The following NTN1 variants were observed in gnomAD, a reference collection of about 807,000 sequenced individuals.
NTN1 encodes the protein netrin 1, also known as netrin-1.
NTN1 carries 11 observed loss-of-function variants against 54.2 expected under a neutral mutation model. The observed-to-expected ratio is 0.20, with a 90% CI of 0.13 to 0.34. The LOEUF (loss-of-function observed/expected upper bound fraction) is 0.34. Ranked by LOEUF, NTN1 falls within the 10% of genes least tolerant of loss-of-function variation. NTN1 has a pLI of 1.00. For synonymous variants in NTN1, 371 were observed against 382.0 expected (o/e 0.97, Z 0.33); for missense variants, 740 against 893.1 (o/e 0.83, Z 2.18).
chr17:9,151,740 G>A (rs2092328151), intron 2 of NTN1, among the ~76,000 whole-genome samples: 3 of 152,226 alleles, frequency 2.0e-5, no homozygotes, highest in Admixed American at 6.5e-5. Flanking sequence ...GAGGGTCCCT[G>A]TGGAGAGGTG....
At chr17:9,043,004 A>G (rs1170707099) in intron 2 of NTN1, among the ~76,000 whole-genome samples, 1 of 152,186 alleles carries the variant, frequency 6.6e-6, no homozygotes, top group African/African-American at 2.4e-5. Flanking sequence ...TTATTTGACA[A>G]CCATTTCAAT....
At chr17:9,205,955 A>T (rs1243651941) in intron 5 of NTN1, among the ~76,000 whole-genome samples, 1 of 152,162 alleles carries the variant, frequency 6.6e-6, no homozygotes, top group Non-Finnish European at 1.5e-5. Flanking sequence ...ACTCATCACC[A>T]TTCCGGTTGC....
intron 2 of NTN1, among the ~76,000 whole-genome samples, chr17:9,069,223 C>T (rs373802490): frequency 6.7e-6 from 1 of 148,816 alleles, no homozygotes; most frequent in South Asian, 2.2e-4. Flanking sequence ...TTTTAGACAC[C>T]GAGATCTCAC....
chr17:9,223,556 CAA>C (rs369166076), intron 6 of NTN1, among the ~76,000 whole-genome samples: 1 of 149,116 alleles, frequency 6.7e-6, no homozygotes, highest in African/African-American at 2.5e-5. Flanking sequence ...GACTCTGTCT[CAA>C]AAAAAAGAAA....
At chr17:9,232,562 C>T (rs1196681059) in intron 6 of NTN1, among the ~76,000 whole-genome samples, 1 of 152,148 alleles carries the variant, frequency 6.6e-6, no homozygotes, top group African/African-American at 2.4e-5. Context: ...CTTCAGCCAG[C>T]TCTACGTTGG....
intron 2 of NTN1, among the ~76,000 whole-genome samples, chr17:9,137,652 A>G (rs1477807630): frequency 3.9e-5 from 6 of 151,952 alleles, no homozygotes; most frequent in Admixed American, 3.9e-4. Context: ...AAATTAGCTG[A>G]GTGTGATGGC....
chr17:9,044,396 G>A lies in NTN1; in HGVS notation c.1018+21005G>A, dbSNP rs148081666. Among the ~76,000 whole-genome samples the A allele has an allele frequency of 3.8e-3, 574 of 151,854 alleles. 3 individuals carry two copies. Among genetic ancestry groups the A allele is most frequent in the African/African-American group, 0.011 (464 of 41,410 alleles). On this transcript the variant is annotated intron_variant, in intron 2 of 6. Transcript: ENST00000173229. The stretch of plus-strand genomic sequence containing the variant: ...ACTACAGGTGTGTGCCACCATGCCT[G>A]GCTAGTTTTTGTATTTTTAGTAGAG...
intron 2 of NTN1, among the ~76,000 whole-genome samples, chr17:9,069,012 T>C (rs1038888615): frequency 5.3e-5 from 8 of 152,124 alleles, no homozygotes; most frequent in African/African-American, 1.9e-4. Context: ...CACCCCTCCA[T>C]GAGTACAGGA....
At chr17:9,074,639 T>C (rs1466742176) in intron 2 of NTN1, among the ~76,000 whole-genome samples, 1 of 152,210 alleles carries the variant, frequency 6.6e-6, no homozygotes, top group African/African-American at 2.4e-5. Flanking sequence ...TCCACTGGCC[T>C]GGAGGGCCCT....
intron 2 of NTN1, among the ~76,000 whole-genome samples, chr17:9,046,843 G>A (rs1232907705): frequency 1.3e-5 from 2 of 152,088 alleles, no homozygotes; most frequent in African/African-American, 2.4e-5. Context: ...CCTCTGAAAT[G>A]AGTTGTGATA....
intron 2 of NTN1, among the ~76,000 whole-genome samples, chr17:9,097,924 A>C (rs9913564): frequency 0.72 from 109,275 of 151,688 alleles, 39,849 homozygotes; most frequent in East Asian, 0.96. Flanking sequence ...TTCTCCTTTG[A>C]GAATTTTCTG....
chr17:9,206,045 A>T (rs1904960665), intron 5 of NTN1, among the ~76,000 whole-genome samples: 1 of 152,102 alleles, frequency 6.6e-6, no homozygotes, highest in Admixed American at 6.5e-5. Context: ...GAACAGGGTG[A>T]CCCCTAGGTC....
chr17:9,201,501 C>T (rs1904784273), intron 5 of NTN1, among the ~76,000 whole-genome samples: 2 of 152,218 alleles, frequency 1.3e-5, no homozygotes, highest in African/African-American at 4.8e-5. Context: ...CAAGGGGACT[C>T]AGGCGACTGT....
chr17:9,047,162 G>A (rs776194087), intron 2 of NTN1, among the ~76,000 whole-genome samples: 5 of 152,182 alleles, frequency 3.3e-5, no homozygotes, highest in Non-Finnish European at 5.9e-5. Context: ...GCTGTTGATG[G>A]CTACTGACTA....
At chr17:9,168,261 G>A (rs753785066) in intron 3 of NTN1, among the ~76,000 whole-genome samples, 1 of 152,190 alleles carries the variant, frequency 6.6e-6, no homozygotes. Context: ...GGCCGGGCAC[G>A]GTGGCTCATG....
At chr17:9,114,255 T>G (rs1414398623) in intron 2 of NTN1, among the ~76,000 whole-genome samples, 2 of 147,312 alleles carry the variant, frequency 1.4e-5, no homozygotes, top group East Asian at 2.0e-4. Context: ...AAAGGAAGAT[T>G]CAAGTGTAAG....
At chr17:9,079,515 AC>A (rs2092063192) in intron 2 of NTN1, among the ~76,000 whole-genome samples, 1 of 151,926 alleles carries the variant, frequency 6.6e-6, no homozygotes, top group Non-Finnish European at 1.5e-5. Flanking sequence ...GCTGGTCCCC[AC>A]CCCTGAGGAA....
rs555249626 is a variant in NTN1 at position 9,111,998 on chromosome 17, C to T, written c.1019-50815C>T. Among the ~76,000 whole-genome samples the T allele has an allele frequency of 6.6e-5, 10 of 152,320 alleles. No homozygotes were observed. The East Asian group carries it at 1.5e-3, about 23-fold the overall frequency. ...TATTGAACTAAAATTCAGTGGTCAA[C>T]GGCCATTGTGGATTTTCACATTTTT... On this transcript the variant is annotated intron_variant, in intron 2 of 6. Transcript: ENST00000173229.
intron 6 of NTN1, among the ~76,000 whole-genome samples, chr17:9,233,919 C>T (rs1408370005): frequency 6.6e-6 from 1 of 152,192 alleles, no homozygotes; most frequent in Non-Finnish European, 1.5e-5. Flanking sequence ...TCTGATTCTA[C>T]TTCTGCCCTC....
Sources: allele counts gnomAD v4.1 joint callset (sites outside exome capture counted in the v4.1 genomes callset), GRCh38; gene constraint gnomAD v4.1.1; transcripts MANE v1.5; gene names NCBI Gene and HGNC (gene_info 2026-07-23, HGNC 2026-07-21).